MAF: variants seen among roughly 807,000 people sequenced by gnomAD.
MAF encodes transcription factor Maf.
In MAF, 10 loss-of-function variants were observed where a neutral mutation model predicts 22.0. The ratio of observed to expected loss-of-function variants is 0.45; its 90% CI spans 0.28 to 0.77. MAF has a LOEUF of 0.77. Among genes scored for constraint, MAF ranks in the 30% least tolerant of loss-of-function variants. The pLI is 0.12. For synonymous variants in MAF, 337 were observed against 255.8 expected (o/e 1.32, Z -3.03); for missense variants, 544 against 548.4 (o/e 0.99, Z 0.08).
At chr16:79,595,277 T>G (rs2143765671) in intron 1 of MAF, 3 of 1,049,380 alleles carry the variant, frequency 2.9e-6, no homozygotes, top group African/African-American at 1.7e-5. Flanking sequence ...GGTCAAAATG[T>G]CGAGGTTACA....
chr16:79,216,494 T>C, the MAF span, among the ~76,000 whole-genome samples: 1 of 152,200 alleles, frequency 6.6e-6, no homozygotes, highest in African/African-American at 2.4e-5. Flanking sequence ...CTATTGTTTC[T>C]TCCTTTCAGT....
At chr16:79,378,358 G>A in the MAF span, among the ~76,000 whole-genome samples, 1 of 152,022 alleles carries the variant, frequency 6.6e-6, no homozygotes, top group East Asian at 1.9e-4. Context: ...AAAAAAGGAA[G>A]CCCATAGAAA....
the MAF span, among the ~76,000 whole-genome samples, chr16:79,345,067 G>C: frequency 3.2e-3 from 483 of 152,274 alleles, 2 homozygotes; most frequent in African/African-American, 9.0e-3. Context: ...TCAGTTTAAT[G>C]AAAGTGTTTA....
chr16:79,210,918 T>C, the MAF span, among the ~76,000 whole-genome samples: 10 of 152,166 alleles, frequency 6.6e-5, no homozygotes, highest in African/African-American at 2.4e-4. Flanking sequence ...TGTACCCCCT[T>C]ACCTGTGGTC....
At chr16:79,340,325 G>A in the MAF span, among the ~76,000 whole-genome samples, 2 of 151,702 alleles carry the variant, frequency 1.3e-5, no homozygotes, top group Non-Finnish European at 2.9e-5. Flanking sequence ...CGATGATGAT[G>A]ATGAGCAGCA....
chr16:79,470,737 G>A, the MAF span, among the ~76,000 whole-genome samples: 16 of 152,168 alleles, frequency 1.1e-4, no homozygotes, highest in African/African-American at 3.9e-4. Flanking sequence ...CCAACACGAT[G>A]CTGGGGCCAT....
chr16:79,595,210 T>A, intron 1 of MAF: 1 of 1,043,398 alleles, frequency 9.6e-7, no homozygotes, highest in East Asian at 5.7e-5. Flanking sequence ...TTAAGACTTT[T>A]GTTAAGCAAA....
chr16:79,519,372 C>A, the MAF span, among the ~76,000 whole-genome samples: 26 of 152,192 alleles, frequency 1.7e-4, no homozygotes, highest in African/African-American at 5.8e-4. Context: ...GTCAGCTCTG[C>A]CCATGATGGA....
chr16:79,408,782 T>A, the MAF span, among the ~76,000 whole-genome samples: 1 of 151,934 alleles, frequency 6.6e-6, no homozygotes, highest in African/African-American at 2.4e-5. Flanking sequence ...CTAAACTAGA[T>A]ACTAAGGATA....
At chr16:79,379,694 G>T in the MAF span, among the ~76,000 whole-genome samples, 1 of 152,174 alleles carries the variant, frequency 6.6e-6, no homozygotes, top group South Asian at 2.1e-4. Context: ...GCTGAGTCTT[G>T]ATCTTTCTGC....
the MAF span, among the ~76,000 whole-genome samples, chr16:79,438,193 A>G: frequency 3.9e-4 from 59 of 152,290 alleles, no homozygotes; most frequent in South Asian, 0.012. Flanking sequence ...GGGTTCCCTC[A>G]GGCATTTCCA....
the MAF span, among the ~76,000 whole-genome samples, chr16:79,445,040 TTTA>T: frequency 6.6e-6 from 1 of 152,038 alleles, no homozygotes; most frequent in Non-Finnish European, 1.5e-5. Context: ...TATTTATTTA[TTTA>T]TTTTTTTTGA....
At chr16:79,322,057 C>G in the MAF span, among the ~76,000 whole-genome samples, 11 of 152,182 alleles carry the variant, frequency 7.2e-5, no homozygotes, top group East Asian at 1.9e-3. Context: ...CACGGCGAAA[C>G]GCCATCTCTA....
At chr16:79,516,227 C>A in the MAF span, 1 of 152,226 alleles carries the variant, frequency 6.6e-6, no homozygotes, top group South Asian at 2.1e-4. Context: ...GGTCCAGCAT[C>A]GGGATTTAGG....
At chr16:79,316,565 A>G in the MAF span, among the ~76,000 whole-genome samples, 1 of 152,128 alleles carries the variant, frequency 6.6e-6, no homozygotes, top group Non-Finnish European at 1.5e-5. Context: ...TCAGCATGCA[A>G]TTAACCCAAA....
chr16:79,367,148 G>A, the MAF span, among the ~76,000 whole-genome samples: 1,110 of 152,214 alleles, frequency 7.3e-3, 5 homozygotes, highest in Non-Finnish European at 0.013. Flanking sequence ...GAAATCTTCC[G>A]TACTTTGAAT....
At chr16:79,438,035 T>C in the MAF span, among the ~76,000 whole-genome samples, 1 of 152,102 alleles carries the variant, frequency 6.6e-6, no homozygotes, top group Admixed American at 6.5e-5. Flanking sequence ...GGGGCTGGAA[T>C]GCCATCCCTT....
chr16:79,529,782 GA>G, the MAF span, among the ~76,000 whole-genome samples: 1 of 152,082 alleles, frequency 6.6e-6, no homozygotes, highest in African/African-American at 2.4e-5. Flanking sequence ...CCAATGTGGT[GA>G]AACCCCATCT....
the MAF span, among the ~76,000 whole-genome samples, chr16:79,550,863 T>C: frequency 5.9e-5 from 9 of 152,176 alleles, no homozygotes; most frequent in East Asian, 1.2e-3. Context: ...CCCAGGGAGA[T>C]TGGCACAGAT....
Sources: gnomAD v4.1 joint callset for allele counts (sites outside exome capture counted in the v4.1 genomes callset) on GRCh38, gnomAD v4.1.1 for gene constraint, MANE v1.5 for transcripts, NCBI Gene and HGNC (gene_info 2026-07-23, HGNC 2026-07-21) for gene names.